DENND1A: variants seen among roughly 807,000 people sequenced by gnomAD.
DENND1A encodes the protein DENN domain-containing protein 1A.
Under a neutral mutation model 113.7 loss-of-function variants are expected in DENND1A, and 51 were observed. The observed-to-expected ratio is 0.45, with a 90% confidence interval of 0.36 to 0.57. The LOEUF (loss-of-function observed/expected upper bound fraction) is 0.57. DENND1A is among the 20% of genes least tolerant of loss of function. DENND1A has a pLI of 0.00. For synonymous variants in DENND1A, 565 were observed against 570.8 expected, an observed-to-expected ratio of 0.99 and a Z score of 0.14; for missense variants, 1,258 against 1,395.9, an observed-to-expected ratio of 0.90 and a Z score of 1.57.
chr9:123,623,556 C>CA (rs545934340), intron 10 of DENND1A, among the ~76,000 whole-genome samples: 4,524 of 150,662 alleles, frequency 0.03, 190 homozygotes, highest in African/African-American at 0.096. Context: ...GGAAGGGACA[C>CA]AAAAAAAAAT....
chr9:123,615,063 A>T lies in DENND1A; in HGVS notation c.720-5582T>A, dbSNP rs117513015. Among the ~76,000 whole-genome samples the T allele has an allele frequency of 4.6e-3, 703 of 152,330 alleles. 5 individuals carry two copies. The highest frequency in any genetic ancestry group is 7.8e-3 in the Non-Finnish European group (530 of 68,036). On this transcript the variant is annotated intron_variant, in intron 10 of 23. Transcript: ENST00000394215. ...CATATCTTGCTGGAGAATGCGAATG[A>T]TCATGGTTTTGGGCTTAGTGAGAGC... is the stretch of plus-strand genomic sequence containing the variant.
intron 19 of DENND1A, among the ~76,000 whole-genome samples, chr9:123,417,287 C>T (rs141344274): frequency 6.6e-6 from 1 of 152,340 alleles, no homozygotes; most frequent in East Asian, 1.9e-4. Context: ...CCTGGTTTTC[C>T]AAAGCTGTGT....
At chr9:123,497,446 T>G (rs2052028720) in intron 13 of DENND1A, among the ~76,000 whole-genome samples, 1 of 152,198 alleles carries the variant, frequency 6.6e-6, no homozygotes, top group South Asian at 2.1e-4. Flanking sequence ...GCTCCCCAAG[T>G]AGCTGGGACT....
At chr9:123,917,212 A>G (rs1432216233) in intron 1 of DENND1A, among the ~76,000 whole-genome samples, 1 of 152,060 alleles carries the variant, frequency 6.6e-6, no homozygotes, top group Non-Finnish European at 1.5e-5. Context: ...AACAACAAAA[A>G]ACTAACTTTG....
At chr9:123,670,058 A>G (rs946372430) in intron 7 of DENND1A, among the ~76,000 whole-genome samples, 1 of 152,186 alleles carries the variant, frequency 6.6e-6, no homozygotes, top group African/African-American at 2.4e-5. Flanking sequence ...TATTTTGTAA[A>G]CTTGTTTTGA....
intron 13 of DENND1A, among the ~76,000 whole-genome samples, chr9:123,543,863 C>G (rs1287281486): frequency 6.6e-6 from 1 of 151,424 alleles, no homozygotes. Flanking sequence ...CTTTCCTTCT[C>G]TGCCTCTCAC....
intron 5 of DENND1A, among the ~76,000 whole-genome samples, chr9:123,722,191 T>C (rs2067389654): frequency 6.6e-6 from 1 of 152,238 alleles, no homozygotes; most frequent in Non-Finnish European, 1.5e-5. Context: ...GCTCCTGCTT[T>C]AGAGATTTGT....
At chr9:123,843,820 T>G (rs1173684933) in intron 2 of DENND1A, 1 of 152,944 alleles carries the variant, frequency 6.5e-6, no homozygotes, top group East Asian at 1.9e-4. Context: ...TTGTAGCTTT[T>G]TAAACCATGA....
chr9:123,880,006 ATTTG>A (rs1463892602), intron 1 of DENND1A, among the ~76,000 whole-genome samples: 1 of 152,020 alleles, frequency 6.6e-6, no homozygotes, highest in Admixed American at 6.6e-5. Context: ...CAGTTCATAA[ATTTG>A]TTTATTTACG....
chr9:123,392,757 A>G (rs558233697), intron 21 of DENND1A, among the ~76,000 whole-genome samples: 9 of 152,182 alleles, frequency 5.9e-5, no homozygotes, highest in Non-Finnish European at 1.2e-4. Context: ...TGGTGCACCC[A>G]TCGCCCGAGC....
intron 11 of DENND1A, among the ~76,000 whole-genome samples, chr9:123,592,267 T>C (rs2059492304): frequency 6.6e-6 from 1 of 152,222 alleles, no homozygotes; most frequent in African/African-American, 2.4e-5. Flanking sequence ...AAAATGCGAA[T>C]AAGTCTCTAT....
intron 18 of DENND1A, among the ~76,000 whole-genome samples, chr9:123,444,545 T>C (rs1011255500): frequency 6.6e-6 from 1 of 152,064 alleles, no homozygotes; most frequent in African/African-American, 2.4e-5. Flanking sequence ...TCCCAGCTAT[T>C]TGGGAGGCTG....
At chr9:123,809,763 T>A (rs1254092646) in intron 2 of DENND1A, among the ~76,000 whole-genome samples, 1 of 152,140 alleles carries the variant, frequency 6.6e-6, no homozygotes, top group Non-Finnish European at 1.5e-5. Flanking sequence ...CTCCACCCCC[T>A]GAGTTCCAGC....
At chr9:123,570,100 C>CT in intron 12 of DENND1A, among the ~76,000 whole-genome samples, 1 of 152,156 alleles carries the variant, frequency 6.6e-6, no homozygotes, top group Admixed American at 6.5e-5. Context: ...AGTTCTCATC[C>CT]CCCAGTGTGC....
At chr9:123,481,352 A>G (rs1222392129) in intron 13 of DENND1A, among the ~76,000 whole-genome samples, 1 of 152,222 alleles carries the variant, frequency 6.6e-6, no homozygotes, top group Non-Finnish European at 1.5e-5. Context: ...GCTGCATAGC[A>G]ACACGTGGAA....
intron 9 of DENND1A, among the ~76,000 whole-genome samples, chr9:123,649,801 G>A (rs1446799729): frequency 1.3e-5 from 2 of 152,098 alleles, no homozygotes; most frequent in African/African-American, 4.8e-5. Context: ...AGTTTTGGGA[G>A]GAAGCAGAAA....
intron 19 of DENND1A, among the ~76,000 whole-genome samples, chr9:123,417,835 T>C (rs186036418): frequency 6.6e-6 from 1 of 150,802 alleles, no homozygotes; most frequent in African/African-American, 2.4e-5. Flanking sequence ...AAGACTCTGG[T>C]AGAGGGCGCT....
chr9:123,391,761 G>GGAAA (rs370434845), intron 21 of DENND1A, among the ~76,000 whole-genome samples: 4 of 110,402 alleles, frequency 3.6e-5, no homozygotes, highest in African/African-American at 3.6e-5. Flanking sequence ...GGCAGAATAT[G>GGAAA]AAAAAAAAAA....
chr9:123,583,264 T>C lies in DENND1A; in HGVS notation c.772A>G (p.Arg258Gly), dbSNP rs774594067. ...GIHLSLMEKV[R>G]NMALDDVVIL... is the part of the protein sequence containing the mutation. ...ACGACATCATCCAGGGCCATGTTTC[T>C]GACTTTCTGCAAGGAGAAAAAAATC... The change falls in exon 12 of 24, where the codon AGA (arginine) becomes GGA (glycine). Residue 258 changes from arginine (R) to glycine (G), a missense_variant. By Grantham distance (125) the Arg-to-Gly change is moderately radical. Transcript: ENST00000394215. The C allele has an allele frequency of 3.7e-6, 6 of 1,610,922 alleles. No homozygotes were observed. The South Asian group carries it at 6.6e-5, about 18-fold the overall frequency.
Sources: allele counts gnomAD v4.1 joint callset (sites outside exome capture counted in the v4.1 genomes callset), GRCh38; gene constraint gnomAD v4.1.1; transcripts MANE v1.5; gene names NCBI Gene and HGNC (gene_info 2026-07-23, HGNC 2026-07-21).